The following AP1G1 variants were observed in gnomAD, a reference collection of about 807,000 sequenced individuals.
AP1G1 encodes the protein AP-1 complex subunit gamma-1.
In AP1G1, 7 loss-of-function variants were observed where a neutral mutation model predicts 108.3. The observed-to-expected ratio is 0.06, with a 90% confidence interval of 0.04 to 0.12. AP1G1 has a LOEUF of 0.12. Among genes scored for constraint, AP1G1 ranks in the 10% least tolerant of loss-of-function variants. The pLI is 1.00. For missense variants in AP1G1, 756 were observed against 1,010.7 expected, an observed-to-expected ratio of 0.75 and a Z score of 3.42; for synonymous variants, 379 against 353.5, an observed-to-expected ratio of 1.07 and a Z score of -0.81.
At chr16:71,743,547 G>C (rs1030051474) in intron 19 of AP1G1, 3 of 150,974 alleles carry the variant, frequency 2.0e-5, no homozygotes, top group Admixed American at 6.6e-5. Flanking sequence ...AGGTTGAAGT[G>C]AGCCGAGATA....
chr16:71,781,453 A>T (rs1388642530), intron 2 of AP1G1, among the ~76,000 whole-genome samples: 1 of 152,234 alleles, frequency 6.6e-6, no homozygotes. Context: ...ACAAATTCAA[A>T]TGAAGTCTTC....
intron 2 of AP1G1, among the ~76,000 whole-genome samples, chr16:71,780,280 C>T (rs1014168806): frequency 4.6e-5 from 7 of 151,866 alleles, no homozygotes; most frequent in African/African-American, 9.7e-5. Flanking sequence ...TGAGCCACCG[C>T]GCCGGCCAAA....
At chr16:71,800,306 G>A (rs1230853996) in intron 1 of AP1G1, among the ~76,000 whole-genome samples, 200 of 143,968 alleles carry the variant, frequency 1.4e-3, no homozygotes, top group African/African-American at 5.2e-3. Context: ...AGGAGGTGGA[G>A]CTTGCAGTGA....
intron 2 of AP1G1, 42 bp from the exon 3 acceptor site, chr16:71,774,634 C>T: frequency 2.0e-6 from 3 of 1,535,818 alleles, no homozygotes; most frequent in East Asian, 2.3e-5. Context: ...TTAAAACTTG[C>T]TACCACAATC....
intron 3 of AP1G1, 156 bp downstream of exon 3, chr16:71,774,312 T>C (rs1416994061): frequency 1.0e-5 from 7 of 693,766 alleles, no homozygotes; most frequent in Admixed American, 3.9e-5. Flanking sequence ...AGACTGGCAG[T>C]TGGGGGAGGA....
chr16:71,733,017 TTTGA>T lies in AP1G1; in HGVS notation c.*37_*40del, dbSNP rs2145404141. 2 of 1,538,896 alleles carry T rather than the reference TTTGA, an allele frequency of 1.3e-6. No homozygotes were observed. Among genetic ancestry groups the T allele is most frequent in the Admixed American group, 3.4e-5 (2 of 58,168 alleles). On this transcript the variant is annotated 3_prime_UTR_variant, in exon 23 of 23. Coordinates refer to ENST00000299980, the MANE Select transcript of AP1G1 (RefSeq NM_001128.6). ...ATCACAACCTCCTTCCCAGAGTTCC[TTTGA>T]TTGAGTGGGATAAAGAATGAGAATG...
At chr16:71,777,580 A>C (rs1381314709) in intron 2 of AP1G1, 1 of 380,072 alleles carries the variant, frequency 2.6e-6, no homozygotes. Context: ...GAGGCCTCCC[A>C]TCCCCAGCCT....
chr16:71,777,636 A>T, intron 2 of AP1G1: 1 of 454,336 alleles, frequency 2.2e-6, no homozygotes, highest in Admixed American at 2.4e-5. Flanking sequence ...TTCTACTGCT[A>T]GGGATCCGGT....
chr16:71,775,351 A>G (rs960993078), intron 2 of AP1G1, among the ~76,000 whole-genome samples: 1 of 152,124 alleles, frequency 6.6e-6, no homozygotes, highest in Non-Finnish European at 1.5e-5. Flanking sequence ...AAATCTTTTT[A>G]GAAGGCAAAG....
intron 2 of AP1G1, among the ~76,000 whole-genome samples, chr16:71,786,467 A>T (rs950886956): frequency 1.6e-4 from 23 of 147,224 alleles, no homozygotes; most frequent in African/African-American, 5.2e-4. Flanking sequence ...CTCAACAAAA[A>T]TTTTTTTTTT....
chr16:71,771,106 T>C, intron 5 of AP1G1, 50 bp downstream of exon 5: 2 of 1,212,492 alleles, frequency 1.6e-6, no homozygotes, highest in Non-Finnish European at 2.4e-6. Context: ...AAGCCTTTTC[T>C]CTTTCCCTTT....
At position 71,731,268 on chromosome 16, in the gene AP1G1, A is replaced by T. The variant is rs372408005; in HGVS notation, c.*1790T>A. The T allele has an allele frequency of 5.2e-5, 8 of 152,718 alleles. No individual in the cohort carries two copies. The East Asian group carries it at 5.8e-4, about 11-fold the overall frequency. The allele number at this position is 152,718 out of a possible 1,614,324, so 9.5% of individuals were successfully genotyped here. A position where few individuals can be genotyped will look rare whatever the true frequency, so the allele number is the denominator to read the frequency against. Reference sequence around the variant, plus strand: ...TACCCAGTGGAGTAAGTTTTAGCAGATCTTGCTCATACACACTAGTAAGAC... The same window carrying T: ...TACCCAGTGGAGTAAGTTTTAGCAGTTCTTGCTCATACACACTAGTAAGAC... On this transcript the variant is annotated 3_prime_UTR_variant, in exon 23 of 23. Transcript: ENST00000299980.
At chr16:71,771,827 C>T (rs1273079526) in intron 4 of AP1G1, among the ~76,000 whole-genome samples, 1 of 152,146 alleles carries the variant, frequency 6.6e-6, no homozygotes, top group East Asian at 1.9e-4. Flanking sequence ...AAGATATATA[C>T]TGTAAATGCT....
chr16:71,772,165 C>G (rs1597066450), intron 4 of AP1G1, among the ~76,000 whole-genome samples: 1 of 149,254 alleles, frequency 6.7e-6, no homozygotes, highest in African/African-American at 2.5e-5. Context: ...GAGTCTCGCT[C>G]AGTCGCCCAG....
chr16:71,800,251 G>C (rs866576049), intron 1 of AP1G1, among the ~76,000 whole-genome samples: 21 of 149,740 alleles, frequency 1.4e-4, no homozygotes, highest in African/African-American at 4.9e-4. Flanking sequence ...GGCGCCTGTA[G>C]TCCCAGCTAC....
chr16:71,755,216 A>G (rs1254076938), intron 12 of AP1G1, among the ~76,000 whole-genome samples: 1 of 152,134 alleles, frequency 6.6e-6, no homozygotes, highest in African/African-American at 2.4e-5. Context: ...GCTTGAGTCC[A>G]GGAGTTCGAG....
intron 2 of AP1G1, among the ~76,000 whole-genome samples, chr16:71,777,326 AG>A (rs905505472): frequency 2.0e-5 from 3 of 150,984 alleles, no homozygotes; most frequent in African/African-American, 7.3e-5. Flanking sequence ...GGGGAGCGGG[AG>A]GGAGGCAAGA....
intron 15 of AP1G1, among the ~76,000 whole-genome samples, chr16:71,749,279 C>T (rs8063658): frequency 0.037 from 5,687 of 151,772 alleles, 354 homozygotes; most frequent in African/African-American, 0.13. Context: ...TCCAGAAGTT[C>T]AAGACCAGCC....
intron 1 of AP1G1, among the ~76,000 whole-genome samples, chr16:71,793,754 G>A (rs751406870): frequency 2.0e-5 from 3 of 149,866 alleles, no homozygotes; most frequent in Non-Finnish European, 4.4e-5. Context: ...GTGCGATCTC[G>A]GCTCACTGCA....
Sources: gnomAD v4.1 joint callset for allele counts (sites outside exome capture counted in the v4.1 genomes callset) on GRCh38, gnomAD v4.1.1 for gene constraint, MANE v1.5 for transcripts, NCBI Gene and HGNC (gene_info 2026-07-23, HGNC 2026-07-21) for gene names.